The following SUPT3H variants were observed in gnomAD, a reference collection of about 807,000 sequenced individuals.
The protein encoded by SUPT3H is transcription initiation protein SPT3 homolog.
Under a neutral mutation model 44.3 loss-of-function variants are expected in SUPT3H, and 44 were observed. That is an observed-to-expected ratio of 0.99 (90% CI 0.78 to 1.28). The LOEUF (loss-of-function observed/expected upper bound fraction) is 1.28, where lower values mean the gene tolerates loss of function less well. Ranked by LOEUF, SUPT3H falls within the 50% of genes most tolerant of loss-of-function variation. The pLI, the probability that SUPT3H is intolerant of heterozygous loss-of-function variation, is 0.00. For synonymous variants in SUPT3H, 124 were observed against 125.6 expected (o/e 0.99, Z 0.09); for missense variants, 380 against 387.1 (o/e 0.98, Z 0.15).
At chr6:44,853,333 A>G (rs1581997850) in intron 10 of SUPT3H, among the ~76,000 whole-genome samples, 1 of 152,114 alleles carries the variant, frequency 6.6e-6, no homozygotes, top group Non-Finnish European at 1.5e-5. Context: ...TAACCTCGAG[A>G]AGCTCTAAAA....
At chr6:44,877,032 C>G (rs570321563) in intron 10 of SUPT3H, among the ~76,000 whole-genome samples, 1 of 152,228 alleles carries the variant, frequency 6.6e-6, no homozygotes, top group African/African-American at 2.4e-5. Context: ...ACAGTTATGT[C>G]TAGTGTATTT....
At chr6:44,990,922 C>T (rs1780530573) in intron 6 of SUPT3H, among the ~76,000 whole-genome samples, 2 of 151,646 alleles carry the variant, frequency 1.3e-5, no homozygotes, top group South Asian at 4.2e-4. Context: ...TTATGTAATA[C>T]AAGTATTCTT....
chr6:45,192,700 G>C (rs1815343111), intron 2 of SUPT3H, among the ~76,000 whole-genome samples: 1 of 151,976 alleles, frequency 6.6e-6, no homozygotes. Context: ...TCGAATCAAA[G>C]CAAAGTGGTT....
chr6:45,131,119 A>G (rs561636457), intron 2 of SUPT3H, among the ~76,000 whole-genome samples: 1 of 152,260 alleles, frequency 6.6e-6, no homozygotes, highest in South Asian at 2.1e-4. Flanking sequence ...TCCTGATTAG[A>G]TCACTCGCCC....
chr6:45,171,951 C>T (rs757217604), intron 2 of SUPT3H, among the ~76,000 whole-genome samples: 2 of 151,596 alleles, frequency 1.3e-5, no homozygotes, highest in Admixed American at 6.6e-5. Context: ...CTCCTGACCT[C>T]GTGATCAGGC....
At chr6:45,271,708 G>A (rs1776193862) in intron 2 of SUPT3H, among the ~76,000 whole-genome samples, 1 of 151,958 alleles carries the variant, frequency 6.6e-6, no homozygotes. Context: ...GTGGAGCTGT[G>A]AGAAGAGGGC....
intron 2 of SUPT3H, among the ~76,000 whole-genome samples, chr6:45,224,770 T>A (rs1465401940): frequency 1.3e-5 from 2 of 150,320 alleles, no homozygotes; most frequent in Non-Finnish European, 3.0e-5. Context: ...AGAGTGAGAC[T>A]TTGTCTCCAA....
intron 2 of SUPT3H, among the ~76,000 whole-genome samples, chr6:45,332,896 C>T (rs1046308908): frequency 1.3e-5 from 2 of 151,658 alleles, no homozygotes; most frequent in African/African-American, 4.8e-5. Flanking sequence ...CAATACGTTA[C>T]CTTAATGTAC....
At chr6:45,284,331 A>G (rs1179736977) in intron 2 of SUPT3H, among the ~76,000 whole-genome samples, 1 of 152,224 alleles carries the variant, frequency 6.6e-6, no homozygotes, top group Admixed American at 6.5e-5. Context: ...AACATCAACA[A>G]AATTGACAGA....
intron 10 of SUPT3H, among the ~76,000 whole-genome samples, chr6:44,893,227 A>AT (rs568518046): frequency 8.6e-5 from 13 of 151,790 alleles, no homozygotes; most frequent in Admixed American, 4.6e-4. Flanking sequence ...ATAAAAATGT[A>AT]TTTTTTTTAA....
intron 11 of SUPT3H, among the ~76,000 whole-genome samples, chr6:44,810,894 A>G (rs1326390341): frequency 1.4e-5 from 2 of 147,886 alleles, no homozygotes; most frequent in African/African-American, 2.5e-5. Flanking sequence ...TGACAGAGCG[A>G]GAGACTCCAT....
Position 45,160,730 on chromosome 6 carries a change from T to C in SUPT3H, c.102-54724A>G, listed in dbSNP as rs573395652. On this transcript the variant is annotated intron_variant, in intron 2 of 10. Coordinates refer to ENST00000371459, the MANE Select transcript of SUPT3H (RefSeq NM_003599.4). Reference sequence around the variant, plus strand: ...AAACTACTCATAGACACAAAAGAAATACAATATGTAGGCAATACAAAAATT... The same window carrying C: ...AAACTACTCATAGACACAAAAGAAACACAATATGTAGGCAATACAAAAATT... 5.1e-4 allele frequency among the ~76,000 whole-genome samples: 77 copies of C among 151,878 alleles called. 1 individual carries two copies. In the South Asian group the frequency reaches 0.016, roughly 31 times the overall value.
At chr6:45,354,213 A>C (rs1388868026) in intron 2 of SUPT3H, among the ~76,000 whole-genome samples, 5 of 152,190 alleles carry the variant, frequency 3.3e-5, no homozygotes, top group African/African-American at 4.8e-5. Flanking sequence ...ATTTTTAATA[A>C]TAGTGGAAAA....
intron 2 of SUPT3H, among the ~76,000 whole-genome samples, chr6:45,251,675 T>C (rs1240957450): frequency 1.3e-5 from 2 of 152,190 alleles, no homozygotes; most frequent in Non-Finnish European, 1.5e-5. Flanking sequence ...AAAACACCTC[T>C]CTGATATCTA....
intron 10 of SUPT3H, among the ~76,000 whole-genome samples, chr6:44,887,336 C>T (rs1369854800): frequency 6.6e-6 from 1 of 152,188 alleles, no homozygotes; most frequent in Non-Finnish European, 1.5e-5. Context: ...CACCACACCA[C>T]ACCTACTCCA....
chr6:45,006,692 A>G (rs534188802), intron 5 of SUPT3H, among the ~76,000 whole-genome samples: 2 of 152,108 alleles, frequency 1.3e-5, no homozygotes, highest in South Asian at 4.1e-4. Flanking sequence ...CATTTTCCCT[A>G]TCTCAGCTTC....
intron 3 of SUPT3H, among the ~76,000 whole-genome samples, chr6:45,025,903 T>A (rs1785926326): frequency 1.3e-5 from 2 of 150,400 alleles, no homozygotes; most frequent in Admixed American, 1.3e-4. Flanking sequence ...AAAAAAAATG[T>A]ACAACAGAAT....
intron 2 of SUPT3H, among the ~76,000 whole-genome samples, chr6:45,201,374 T>G (rs570143995): frequency 9.9e-5 from 15 of 151,882 alleles, no homozygotes; most frequent in Admixed American, 4.6e-4. Context: ...TCTTTTTCAG[T>G]GAATACTGTT....
intron 3 of SUPT3H, among the ~76,000 whole-genome samples, chr6:45,022,461 T>C (rs180803554): frequency 1.8e-3 from 276 of 151,024 alleles, no homozygotes; most frequent in African/African-American, 6.6e-3. Flanking sequence ...ATGACCACTG[T>C]AAGGATCTGG....
Sources: allele counts gnomAD v4.1 joint callset (sites outside exome capture counted in the v4.1 genomes callset), GRCh38; gene constraint gnomAD v4.1.1; transcripts MANE v1.5; gene names NCBI Gene and HGNC (gene_info 2026-07-23, HGNC 2026-07-21).